KDM6A: variants seen among roughly 807,000 people sequenced by gnomAD.
KDM6A encodes lysine-specific demethylase 6A.
A neutral mutation model predicts 117.6 loss-of-function variants in KDM6A; 11 were observed. The ratio of observed to expected loss-of-function variants is 0.09; its 90% CI spans 0.06 to 0.15. The LOEUF (loss-of-function observed/expected upper bound fraction) is 0.15, where lower values mean the gene tolerates loss of function less well. Ranked by LOEUF, KDM6A falls within the 10% of genes least tolerant of loss-of-function variation. The probability of loss-of-function intolerance (pLI) is 1.00; values close to 1 mark genes in which losing one functional copy is unlikely to be tolerated. For missense variants in KDM6A, 799 were observed against 1,077.3 expected, an observed-to-expected ratio of 0.74 and a Z score of 3.62; for synonymous variants, 384 against 396.1, an observed-to-expected ratio of 0.97 and a Z score of 0.36.
intron 2 of KDM6A, among the ~76,000 whole-genome samples, chrX:44,914,662 A>T (rs1240828362): frequency 5.4e-5 from 6 of 111,142 alleles, no homozygotes; most frequent in Non-Finnish European, 1.1e-4. Context: ...GACTGTGGAT[A>T]GGCTAAACTA....
At chrX:44,975,552 GC>G (rs2039572859) in intron 4 of KDM6A, among the ~76,000 whole-genome samples, 1 of 110,115 alleles carries the variant, frequency 9.1e-6, no homozygotes, top group South Asian at 3.8e-4. Flanking sequence ...CTAATCTCTG[GC>G]TTTTTTTTAA....
chrX:44,972,287 A>G (rs2039388334), intron 3 of KDM6A, among the ~76,000 whole-genome samples: 2 of 111,466 alleles, frequency 1.8e-5, no homozygotes, highest in Non-Finnish European at 3.8e-5. Flanking sequence ...AAGAAATAGA[A>G]TGATACTGCT....
intron 2 of KDM6A, among the ~76,000 whole-genome samples, chrX:44,929,376 G>C (rs2036501353): frequency 9.1e-6 from 1 of 110,006 alleles, no homozygotes; most frequent in South Asian, 3.8e-4. Context: ...CGTTAGATTA[G>C]TTTGCATTTT....
chrX:44,978,882 A>G (rs1009767732), intron 4 of KDM6A, among the ~76,000 whole-genome samples: 8 of 111,998 alleles, frequency 7.1e-5, no homozygotes, highest in Non-Finnish European at 1.3e-4. Context: ...TTCATTTGGC[A>G]TGCTTTTACT....
intron 2 of KDM6A, among the ~76,000 whole-genome samples, chrX:44,882,071 G>A (rs1214231255): frequency 9.0e-6 from 1 of 111,657 alleles, no homozygotes; most frequent in Admixed American, 9.6e-5. Context: ...ATACTTAAGG[G>A]TATTATATAA....
intron 2 of KDM6A, among the ~76,000 whole-genome samples, chrX:44,943,988 A>C (rs2037483890): frequency 1.8e-5 from 2 of 111,430 alleles, no homozygotes; most frequent in Admixed American, 1.9e-4. Flanking sequence ...TTAACTATTC[A>C]TATAGATAAT....
At chrX:45,030,980 C>CCA (rs1254004760) in intron 6 of KDM6A, among the ~76,000 whole-genome samples, 1 of 112,063 alleles carries the variant, frequency 8.9e-6, no homozygotes, top group Non-Finnish European at 1.9e-5. Context: ...TAGGTGTGAG[C>CCA]CACCATGCCC....
chrX:44,965,758 A>G (rs1475340229), intron 3 of KDM6A, among the ~76,000 whole-genome samples: 2 of 112,497 alleles, frequency 1.8e-5, no homozygotes, highest in African/African-American at 6.5e-5. Context: ...GTTTACCAAA[A>G]TGTGACACAG....
intron 2 of KDM6A, among the ~76,000 whole-genome samples, chrX:44,928,675 TG>T (rs1487285443): frequency 9.0e-6 from 1 of 111,387 alleles, no homozygotes; most frequent in Non-Finnish European, 1.9e-5. Context: ...GAAAAGCTTT[TG>T]TTTTTTTGTT....
rs750023655 is a variant in KDM6A, at chrX:45,061,906, CT to C, written c.1581+500del. Among the ~76,000 whole-genome samples, 250 of 99,385 alleles carry C rather than the reference CT, an allele frequency of 2.5e-3. 1 individual carries two copies. The highest frequency in any genetic ancestry group is 2.9e-3 in the Admixed American group (27 of 9,199). 86.3% of individuals were successfully genotyped at this position (99,385 alleles called of 115,157 possible). On this transcript the variant is annotated intron_variant, in intron 15 of 29. Coordinates refer to ENST00000611820, the MANE Select transcript of KDM6A (RefSeq NM_001291415.2). Reference sequence around the variant, plus strand: ...GAGCATTCATTCTTGTTTTTAATTTCTTTTTTTTTTTTTAAACAGGACATGG... The same window carrying C: ...GAGCATTCATTCTTGTTTTTAATTTCTTTTTTTTTTTTAAACAGGACATGG...
intron 27 of KDM6A, among the ~76,000 whole-genome samples, chrX:45,102,632 G>T (rs2046374419): frequency 9.0e-6 from 1 of 111,529 alleles, no homozygotes; most frequent in African/African-American, 3.3e-5. Context: ...AGTCCTGGTG[G>T]TCTTCTAATA....
intron 2 of KDM6A, among the ~76,000 whole-genome samples, chrX:44,887,449 ATGTGAG>A (rs2032984141): frequency 2.7e-5 from 3 of 111,329 alleles, no homozygotes; most frequent in African/African-American, 9.8e-5. Context: ...GGTGTAAATG[ATGTGAG>A]TATGTCAGGG....
At chrX:45,004,560 A>G (rs2041333699) in intron 4 of KDM6A, among the ~76,000 whole-genome samples, 1 of 111,239 alleles carries the variant, frequency 9.0e-6, no homozygotes, top group South Asian at 3.8e-4. Context: ...TGAGGCCTGC[A>G]TATTGCCTCA....
rs1411616093 is a variant in KDM6A, at chrX:44,919,266, T to A, written c.226-42018T>A. ...CCAGGATCTCATCCAGGATACTACA[T>A]TACATTGAGTTGTCATGTCTCTAGG... is the stretch of plus-strand genomic sequence containing the variant. On this transcript the variant is annotated intron_variant, in intron 2 of 29. Coordinates refer to ENST00000611820, the MANE Select transcript of KDM6A (RefSeq NM_001291415.2). Among the ~76,000 whole-genome samples the A allele has an allele frequency of 3.0e-4, 33 of 111,652 alleles. No homozygotes were observed. In the Admixed American group the frequency reaches 3.2e-3, roughly 11 times the overall value.
intron 17 of KDM6A, among the ~76,000 whole-genome samples, chrX:45,069,179 A>G (rs1005340548): frequency 8.9e-6 from 1 of 112,449 alleles, no homozygotes; most frequent in Non-Finnish European, 1.9e-5. Context: ...CTCACTTTCT[A>G]TATTAATCTT....
rs545847220 is a variant in KDM6A, at chrX:45,035,792, C to T, written c.619+807C>T. The stretch of plus-strand genomic sequence containing the variant: ...TTGGCTCACTGCAAGCTCCGCCTAC[C>T]GGGTTGACGCCATTCTCCTGCCTCA... On this transcript the variant is annotated intron_variant, in intron 7 of 29. Coordinates refer to ENST00000611820, the MANE Select transcript of KDM6A (RefSeq NM_001291415.2). Among the ~76,000 whole-genome samples the T allele has an allele frequency of 1.6e-4, 18 of 109,405 alleles. No individual in the cohort carries two copies. The South Asian group carries it at 5.5e-3, about 34-fold the overall frequency.
chrX:45,099,906 C>T (rs1050530115), intron 27 of KDM6A, among the ~76,000 whole-genome samples: 3 of 110,794 alleles, frequency 2.7e-5, no homozygotes, highest in African/African-American at 6.6e-5. Flanking sequence ...TGGTGGCACA[C>T]GCCTGTAGTC....
chrX:44,925,690 C>G (rs2036261850), intron 2 of KDM6A, among the ~76,000 whole-genome samples: 1 of 111,177 alleles, frequency 9.0e-6, no homozygotes, highest in Non-Finnish European at 1.9e-5. Flanking sequence ...GTGAAAGGAT[C>G]AAGTGCCACA....
chrX:44,931,296 C>T (rs1273712590), intron 2 of KDM6A, among the ~76,000 whole-genome samples: 2 of 111,272 alleles, frequency 1.8e-5, no homozygotes, highest in Non-Finnish European at 3.8e-5. Context: ...TCTCGAACTC[C>T]TGACTTCAGG....
Sources: allele counts gnomAD v4.1 joint callset (sites outside exome capture counted in the v4.1 genomes callset), GRCh38; gene constraint gnomAD v4.1.1; transcripts MANE v1.5; gene names NCBI Gene and HGNC (gene_info 2026-07-23, HGNC 2026-07-21).